SYCE1L: variants seen among roughly 807,000 people sequenced by gnomAD.
The protein encoded by SYCE1L is synaptonemal complex central element protein 1 like.
In SYCE1L, 51 loss-of-function variants were observed where a neutral mutation model predicts 39.6. That is an observed-to-expected ratio of 1.29 (90% CI 1.03 to 1.63). The LOEUF is 1.63. Ranked by LOEUF, SYCE1L falls within the 40% of genes most tolerant of loss-of-function variation. The pLI is 0.00. For missense variants in SYCE1L, 426 were observed against 304.9 expected, an observed-to-expected ratio of 1.40 and a Z score of -2.96; for synonymous variants, 147 against 122.4, an observed-to-expected ratio of 1.20 and a Z score of -1.33.
At chr16:77,208,836 T>C (rs1228219188) in intron 4 of SYCE1L, among the ~76,000 whole-genome samples, 3 of 152,344 alleles carry the variant, frequency 2.0e-5, no homozygotes, top group East Asian at 3.9e-4. Context: ...TATTTCTTTA[T>C]AGCCATCTTT....
At position 77,211,267 on chromosome 16, in the gene SYCE1L, G is replaced by C. The variant is rs2054820514; in HGVS notation, c.414G>C (p.Trp138Cys). Residue 138 changes from tryptophan (W) to cysteine (C), a missense_variant, in exon 7 of 11, where the codon TGG becomes TGC. Coordinates refer to ENST00000378644, the MANE Select transcript of SYCE1L (RefSeq NM_001129979.3). ...EDLMGQHKDL[W>C]EFHMLEQRLA... Reference sequence around the variant, plus strand: ...TGATGGGCCAGCACAAGGACCTCTGGGAATTCCACGTGAGCCATTATCATT... The same window carrying C: ...TGATGGGCCAGCACAAGGACCTCTGCGAATTCCACGTGAGCCATTATCATT... 1 of 1,551,868 alleles carries C rather than the reference G, an allele frequency of 6.4e-7. No homozygotes were observed. Among genetic ancestry groups the C allele is most frequent in the Non-Finnish European group, 8.7e-7 (1 of 1,147,034 alleles).
At chr16:77,206,725 C>G (rs563701338) in intron 2 of SYCE1L, among the ~76,000 whole-genome samples, 1 of 152,118 alleles carries the variant, frequency 6.6e-6, no homozygotes, top group South Asian at 2.1e-4. Context: ...TACTCCCTCC[C>G]CCCACACACC....
At chr16:77,208,329 T>G (rs1469245896) in intron 3 of SYCE1L, 60 bp downstream of exon 3, 3 of 1,544,130 alleles carry the variant, frequency 1.9e-6, no homozygotes, top group Non-Finnish European at 2.6e-6. Context: ...GGATTTATAA[T>G]GAATCCACCT....
chr16:77,212,520 C>A (rs890342375), intron 9 of SYCE1L, 54 bp from the exon 10 acceptor site: 4 of 1,537,736 alleles, frequency 2.6e-6, no homozygotes, highest in African/African-American at 2.7e-5. Flanking sequence ...GCTTCCTCCT[C>A]GTCCCCTGGA....
chr16:77,201,837 A>G (rs568925354), intron 1 of SYCE1L: 5 of 152,358 alleles, frequency 3.3e-5, no homozygotes, highest in Non-Finnish European at 7.3e-5. Context: ...ATAAGTTGAT[A>G]GGATTATTAT....
chr16:77,209,274 C>T, intron 5 of SYCE1L, 130 bp downstream of exon 5: 1 of 1,336,270 alleles, frequency 7.5e-7, no homozygotes. Flanking sequence ...CAGATCTCTT[C>T]CTGGATTGCT....
intron 1 of SYCE1L, chr16:77,201,756 GA>G (rs2142510696): frequency 6.6e-6 from 1 of 152,214 alleles, no homozygotes; most frequent in East Asian, 1.9e-4. Context: ...TTCTTTTTAA[GA>G]GGCAGAAAAA....
At chr16:77,206,809 T>TAA (rs2054788729) in intron 2 of SYCE1L, among the ~76,000 whole-genome samples, 1 of 137,688 alleles carries the variant, frequency 7.3e-6, no homozygotes, top group African/African-American at 2.5e-5. Flanking sequence ...CAGAGATTTT[T>TAA]AAAAAATGCA....
At chr16:77,206,603 A>G (rs2054787428) in intron 2 of SYCE1L, 103 bp downstream of exon 2, 1 of 1,125,400 alleles carries the variant, frequency 8.9e-7, no homozygotes, top group Non-Finnish European at 1.3e-6. Context: ...AAATTATCCC[A>G]TTGCACTTTC....
rs1418032642 is a variant in SYCE1L at position 77,211,204 on chromosome 16, G to A, written c.360-9G>A. The A allele has an allele frequency of 1.9e-6, 3 of 1,551,894 alleles. No individual in the cohort carries two copies. The highest frequency in any genetic ancestry group is 2.4e-5 in the East Asian group (1 of 40,910). On this transcript the variant is annotated splice_polypyrimidine_tract_variant and intron_variant, in intron 6 of 10. Coordinates refer to ENST00000378644, the MANE Select transcript of SYCE1L (RefSeq NM_001129979.3). ...ATGTGTTCTCTTATTCCTGGGTGTC[G>A]GCCTCCAGGTTGGATGTCAGAGGAC...
At chr16:77,202,212 C>A (rs918951582) in intron 1 of SYCE1L, 1 of 152,066 alleles carries the variant, frequency 6.6e-6, no homozygotes, top group Non-Finnish European at 1.5e-5. Context: ...CTGGTAGATT[C>A]CCTTTGTATA....
At chr16:77,210,876 G>T (rs1278010850) in intron 6 of SYCE1L, among the ~76,000 whole-genome samples, 1 of 152,188 alleles carries the variant, frequency 6.6e-6, no homozygotes, top group East Asian at 1.9e-4. Flanking sequence ...ATGACTGAGG[G>T]TTGTCTTTCC....
At chr16:77,211,414 A>G in intron 7 of SYCE1L, 138 bp downstream of exon 7, 4 of 1,008,416 alleles carry the variant, frequency 4.0e-6, no homozygotes, top group Non-Finnish European at 6.0e-6. Flanking sequence ...TTGCCCACCT[A>G]TTCAGTCCCT....
At position 77,213,138 on chromosome 16, in the gene SYCE1L, C is replaced by A; in HGVS notation, c.*207C>A. 2.3e-6 allele frequency: 1 copy of A among 443,570 alleles called. No individual in the cohort carries two copies. The highest frequency in any genetic ancestry group is 3.9e-6 in the Non-Finnish European group (1 of 256,330). 27.5% of individuals were successfully genotyped at this position (443,570 alleles called of 1,614,324 possible). A position where few individuals can be genotyped will look rare whatever the true frequency, so the allele number is the denominator to read the frequency against. ...GCCGTACAGAGGCTGGGTAAATGCT[C>A]CTGAACTCAGAGAGAGTAAGTGGGT... On this transcript the variant is annotated 3_prime_UTR_variant, in exon 11 of 11. Coordinates refer to ENST00000378644, the MANE Select transcript of SYCE1L (RefSeq NM_001129979.3).
Position 77,212,280 on chromosome 16 carries a change from A to T in SYCE1L, c.494-2A>T. Reference sequence around the variant, plus strand: ...CTGCCCCTGACGCCCGCCCACCGACAGGGAGGCTGGTGCGCGCCAAGCTGC... The same window carrying T: ...CTGCCCCTGACGCCCGCCCACCGACTGGGAGGCTGGTGCGCGCCAAGCTGC... On this transcript the variant is annotated splice_acceptor_variant, in intron 8 of 10. Coordinates refer to ENST00000378644, the MANE Select transcript of SYCE1L (RefSeq NM_001129979.3). LOFTEE classifies it high-confidence loss of function. The T allele has an allele frequency of 6.6e-7, 1 of 1,519,124 alleles. No homozygotes were observed. Among genetic ancestry groups the T allele is most frequent in the Non-Finnish European group, 8.8e-7 (1 of 1,134,226 alleles). 94.1% of individuals were successfully genotyped at this position (1,519,124 alleles called of 1,614,324 possible).
chr16:77,210,043 C>G (rs2054811785), intron 6 of SYCE1L, among the ~76,000 whole-genome samples: 1 of 152,234 alleles, frequency 6.6e-6, no homozygotes, highest in Non-Finnish European at 1.5e-5. Flanking sequence ...CTTTCTTTCT[C>G]TGTCCAGCCA....
chr16:77,211,691 A>G (rs1403997918), intron 7 of SYCE1L, among the ~76,000 whole-genome samples: 2 of 152,152 alleles, frequency 1.3e-5, no homozygotes, highest in Non-Finnish European at 2.9e-5. Context: ...TGCTGTCCCA[A>G]GCTGGTTGGG....
At chr16:77,207,071 G>C (rs9930814) in intron 2 of SYCE1L, among the ~76,000 whole-genome samples, 3 of 151,750 alleles carry the variant, frequency 2.0e-5, no homozygotes, top group Non-Finnish European at 2.9e-5. Context: ...TGCAGAAGAA[G>C]TGCACTGGGA....
At chr16:77,211,512 G>A (rs1196104574) in intron 7 of SYCE1L, among the ~76,000 whole-genome samples, 1 of 152,162 alleles carries the variant, frequency 6.6e-6, no homozygotes, top group African/African-American at 2.4e-5. Flanking sequence ...GTACCATTGT[G>A]ATCCTGCTTT....
Sources: gnomAD v4.1 joint callset for allele counts (sites outside exome capture counted in the v4.1 genomes callset) on GRCh38, gnomAD v4.1.1 for gene constraint, MANE v1.5 for transcripts, NCBI Gene and HGNC (gene_info 2026-07-23, HGNC 2026-07-21) for gene names.